The following UGGT2 variants were observed in gnomAD, a reference collection of about 807,000 sequenced individuals.
The protein encoded by UGGT2 is UDP-glucose glycoprotein glucosyltransferase 2, also known as UDP-glucose:glycoprotein glucosyltransferase 2.
Under a neutral mutation model 192.1 loss-of-function variants are expected in UGGT2, and 180 were observed. The ratio of observed to expected loss-of-function variants is 0.94; its 90% CI spans 0.83 to 1.06. UGGT2 has a LOEUF of 1.06. UGGT2 is among the 50% of genes least tolerant of loss of function. The pLI, the probability that UGGT2 is intolerant of heterozygous loss-of-function variation, is 0.00. For missense variants in UGGT2, 1,849 were observed against 1,795.7 expected, an observed-to-expected ratio of 1.03 and a Z score of -0.54; for synonymous variants, 580 against 591.0, an observed-to-expected ratio of 0.98 and a Z score of 0.27.
intron 27 of UGGT2, among the ~76,000 whole-genome samples, chr13:95,880,079 G>A (rs2140175109): frequency 6.6e-6 from 1 of 152,222 alleles, no homozygotes; most frequent in Non-Finnish European, 1.5e-5. Context: ...GGTGTGTGAT[G>A]TTCCTTTCCC....
At chr13:95,916,446 A>G (rs973976072) in intron 20 of UGGT2, among the ~76,000 whole-genome samples, 2 of 152,214 alleles carry the variant, frequency 1.3e-5, no homozygotes, top group African/African-American at 4.8e-5. Flanking sequence ...AGATGAGAAA[A>G]AATCAAAGCA....
At chr13:95,910,368 T>A (rs890298149) in intron 20 of UGGT2, among the ~76,000 whole-genome samples, 2 of 152,036 alleles carry the variant, frequency 1.3e-5, no homozygotes, top group African/African-American at 4.8e-5. Flanking sequence ...GAGACACACA[T>A]AGGCTCAAAT....
chr13:95,832,232 C>T lies in UGGT2; in HGVS notation c.4528+695G>A, dbSNP rs1043249211. On this transcript the variant is annotated intron_variant, in intron 38 of 38. Coordinates refer to ENST00000376747, the MANE Select transcript of UGGT2 (RefSeq NM_020121.4). ...AGTGAAAGTCTCTAACACACTGACC[C>T]GAACACAATAGGAGTTCAGGGGGTT... 5.3e-5 allele frequency among the ~76,000 whole-genome samples: 8 copies of T among 151,506 alleles called. No homozygotes were observed. In the East Asian group the frequency reaches 1.2e-3, roughly 22 times the overall value.
chr13:96,049,028 A>G (rs1376402875), intron 1 of UGGT2, among the ~76,000 whole-genome samples: 2 of 152,196 alleles, frequency 1.3e-5, no homozygotes, highest in Non-Finnish European at 2.9e-5. Context: ...AGACACAACA[A>G]AAAAAGAGAA....
chr13:95,925,678 AC>A lies in UGGT2; in HGVS notation c.2295+1del. On this transcript the variant is annotated splice_donor_variant, in intron 20 of 38. Coordinates refer to ENST00000376747, the MANE Select transcript of UGGT2 (RefSeq NM_020121.4). LOFTEE classifies it high-confidence loss of function. ...TGTTAGTAAGAATATCTAGGTACTC[AC>A]CATGTGCTTTAATGCATTAAAAAGA... 1 of 1,529,832 alleles carries A rather than the reference AC, an allele frequency of 6.5e-7. No individual in the cohort carries two copies. The highest frequency in any genetic ancestry group is 8.8e-7 in the Non-Finnish European group (1 of 1,133,108). 94.8% of individuals were successfully genotyped at this position (1,529,832 alleles called of 1,614,324 possible).
intron 25 of UGGT2, among the ~76,000 whole-genome samples, chr13:95,888,618 C>T (rs2047714537): frequency 6.6e-6 from 1 of 152,072 alleles, no homozygotes; most frequent in Admixed American, 6.5e-5. Flanking sequence ...AGAGATTTGA[C>T]TTTCAATTCT....
At chr13:95,898,952 C>T (rs1012935989) in intron 22 of UGGT2, among the ~76,000 whole-genome samples, 1 of 152,182 alleles carries the variant, frequency 6.6e-6, no homozygotes, top group Non-Finnish European at 1.5e-5. Context: ...CAAAACGTGT[C>T]CCTCAAAACC....
In UGGT2 at chr13:95,996,451, G is replaced by A. The variant is rs144413181; in HGVS notation, c.758-316C>T. On this transcript the variant is annotated intron_variant, in intron 6 of 38. Coordinates refer to ENST00000376747, the MANE Select transcript of UGGT2 (RefSeq NM_020121.4). ...GTGGAGGTTGCAGTGGACTGAGATC[G>A]TGCCACTGCACTCCAGCCTGGGTGA... is the stretch of plus-strand genomic sequence containing the variant. 1.5e-3 allele frequency among the ~76,000 whole-genome samples: 230 copies of A among 151,076 alleles called. 1 individual carries two copies. Among genetic ancestry groups the A allele is most frequent in the African/African-American group, 4.6e-3 (188 of 41,096 alleles).
At chr13:96,015,934 T>C (rs188710525) in intron 4 of UGGT2, among the ~76,000 whole-genome samples, 2 of 152,320 alleles carry the variant, frequency 1.3e-5, no homozygotes, top group East Asian at 1.9e-4. Flanking sequence ...ATCTACTACA[T>C]GGTAGGTGAA....
intron 36 of UGGT2, among the ~76,000 whole-genome samples, chr13:95,844,827 T>C (rs1888231864): frequency 6.6e-6 from 1 of 152,190 alleles, no homozygotes; most frequent in Admixed American, 6.5e-5. Context: ...AGTACAATAC[T>C]GAATAGGAAA....
intron 17 of UGGT2, among the ~76,000 whole-genome samples, chr13:95,932,941 T>A (rs1256715879): frequency 6.6e-6 from 1 of 152,234 alleles, no homozygotes; most frequent in Non-Finnish European, 1.5e-5. Flanking sequence ...GCCTATTTGA[T>A]TACGGTGAAT....
chr13:96,034,046 C>T (rs2052922310), intron 1 of UGGT2, among the ~76,000 whole-genome samples: 1 of 152,158 alleles, frequency 6.6e-6, no homozygotes, highest in African/African-American at 2.4e-5. Context: ...CCGGCCTACC[C>T]AGGGCCTCCC....
At chr13:96,006,502 G>C (rs544917517) in intron 5 of UGGT2, among the ~76,000 whole-genome samples, 2 of 151,798 alleles carry the variant, frequency 1.3e-5, no homozygotes, top group East Asian at 1.9e-4. Flanking sequence ...GTGTGTGCCT[G>C]TAATCCCAGC....
At chr13:95,967,409 C>T (rs1406448256) in intron 12 of UGGT2, among the ~76,000 whole-genome samples, 1 of 151,260 alleles carries the variant, frequency 6.6e-6, no homozygotes, top group Non-Finnish European at 1.5e-5. Flanking sequence ...CCACGTGCTC[C>T]TCAAAGTGCT....
chr13:96,030,536 A>C (rs1172912792), intron 2 of UGGT2, among the ~76,000 whole-genome samples: 1 of 152,250 alleles, frequency 6.6e-6, no homozygotes. Flanking sequence ...TACTTTGTGA[A>C]ATCACAAAAT....
intron 17 of UGGT2, among the ~76,000 whole-genome samples, chr13:95,929,439 T>C (rs2049165607): frequency 6.6e-6 from 1 of 152,176 alleles, no homozygotes; most frequent in African/African-American, 2.4e-5. Flanking sequence ...AACCCTTCCC[T>C]GACTTTTTCC....
At chr13:95,804,109 G>A (rs189121091) in intron 38 of UGGT2, among the ~76,000 whole-genome samples, 40 of 151,806 alleles carry the variant, frequency 2.6e-4, no homozygotes, top group African/African-American at 9.2e-4. Context: ...TGAAGATAAT[G>A]TCAAAGAATT....
intron 17 of UGGT2, among the ~76,000 whole-genome samples, chr13:95,930,166 T>C (rs558799459): frequency 6.6e-6 from 1 of 152,346 alleles, no homozygotes; most frequent in African/African-American, 2.4e-5. Flanking sequence ...TACTTATGGA[T>C]ATTAGAATTT....
At chr13:95,929,528 C>T (rs1021951654) in intron 17 of UGGT2, among the ~76,000 whole-genome samples, 17 of 152,322 alleles carry the variant, frequency 1.1e-4, no homozygotes, top group South Asian at 8.3e-4. Context: ...TTAGCTCCCA[C>T]TCATAAGAGA....
Sources: allele counts gnomAD v4.1 joint callset (sites outside exome capture counted in the v4.1 genomes callset), GRCh38; gene constraint gnomAD v4.1.1; transcripts MANE v1.5; gene names NCBI Gene and HGNC (gene_info 2026-07-23, HGNC 2026-07-21).